The following CCDC27 variants were observed in gnomAD, a reference collection of about 807,000 sequenced individuals.
CCDC27 encodes coiled-coil domain-containing protein 27.
CCDC27 carries 80 observed loss-of-function variants against 80.3 expected under a neutral mutation model. That is an observed-to-expected ratio of 1.00 (90% CI 0.83 to 1.20). CCDC27 has a LOEUF of 1.20. Among genes scored for constraint, CCDC27 ranks in the 50% most tolerant of loss-of-function variants. The pLI, the probability that CCDC27 is intolerant of heterozygous loss-of-function variation, is 0.00. For synonymous variants in CCDC27, 342 were observed against 334.3 expected (o/e 1.02, Z -0.25); for missense variants, 815 against 809.4 (o/e 1.01, Z -0.08).
chr1:3,762,837 T>C (rs1355728622), intron 6 of CCDC27, 125 bp downstream of exon 6: 25 of 948,708 alleles, frequency 2.6e-5, no homozygotes, highest in Middle Eastern at 3.3e-4. Context: ...GGTGCCCCAC[T>C]CCAGGGGAGC....
chr1:3,755,834 C>T, intron 3 of CCDC27: 1 of 438,136 alleles, frequency 2.3e-6, no homozygotes, highest in East Asian at 4.1e-5. Flanking sequence ...TGGCCTTTAC[C>T]CAGTGGCTGA....
chr1:3,756,603 T>G, intron 3 of CCDC27, 130 bp from the exon 4 acceptor site: 5 of 909,250 alleles, frequency 5.5e-6, no homozygotes, highest in Non-Finnish European at 8.7e-6. Flanking sequence ...AGGAGACAGA[T>G]TGGAGTCTGT....
At chr1:3,770,169 G>A (rs989350896) in intron 11 of CCDC27, among the ~76,000 whole-genome samples, 8 of 152,162 alleles carry the variant, frequency 5.3e-5, no homozygotes, top group African/African-American at 1.4e-4. Context: ...CATCCTGAGC[G>A]CTGTGGAGAG....
chr1:3,764,710 G>A (rs184098980), intron 8 of CCDC27, among the ~76,000 whole-genome samples: 5 of 152,184 alleles, frequency 3.3e-5, no homozygotes, highest in Admixed American at 3.3e-4. Context: ...ACTTATTTTT[G>A]GTGGAGCACA....
chr1:3,757,691 G>A (rs1417733215), intron 4 of CCDC27, among the ~76,000 whole-genome samples: 1 of 152,080 alleles, frequency 6.6e-6, no homozygotes, highest in African/African-American at 2.4e-5. Context: ...GGGAGGCAGA[G>A]GTAGACAGAT....
At chr1:3,753,631 C>T (rs1205011844) in intron 1 of CCDC27, among the ~76,000 whole-genome samples, 6 of 152,188 alleles carry the variant, frequency 3.9e-5, no homozygotes, top group South Asian at 4.1e-4. Flanking sequence ...CCACCATGCC[C>T]GGCTGGACTA....
At position 3,760,149 on chromosome 1, in the gene CCDC27, C is replaced by T. The variant is rs1032624041; in HGVS notation, c.712-1132C>T. 2.0e-5 allele frequency among the ~76,000 whole-genome samples: 3 copies of T among 152,186 alleles called. No individual in the cohort carries two copies. The highest frequency in any genetic ancestry group is 2.9e-5 in the Non-Finnish European group (2 of 68,038). ...CAGCAGTCCTTGCACTATTTTGAGA[C>T]GTGCAAGTGTCTCGGGACCATGGCT... On this transcript the variant is annotated intron_variant, in intron 4 of 11. Coordinates refer to ENST00000294600, the MANE Select transcript of CCDC27 (RefSeq NM_152492.3). The surrounding 1 kb of genome is among the most constrained non-coding windows in gnomAD (Gnocchi z 4.3).
chr1:3,768,937 C>T lies in CCDC27; in HGVS notation c.1744-846C>T, dbSNP rs568570105. Among the ~76,000 whole-genome samples, 6 of 152,358 alleles carry T rather than the reference C, an allele frequency of 3.9e-5. No individual in the cohort carries two copies. Among genetic ancestry groups the T allele is most frequent in the Admixed American group, 3.9e-4 (6 of 15,304 alleles). On this transcript the variant is annotated intron_variant, in intron 10 of 11. Coordinates refer to ENST00000294600, the MANE Select transcript of CCDC27 (RefSeq NM_152492.3). The surrounding 1 kb of genome is among the most constrained non-coding windows in gnomAD (Gnocchi z 5.6). ...GAAGGAAAGGATTCCACTCCTCACA[C>T]AGGCCAGGGGCCCATGACATTCCTG...
At chr1:3,764,082 A>G (rs1277411002) in intron 8 of CCDC27, among the ~76,000 whole-genome samples, 1 of 152,120 alleles carries the variant, frequency 6.6e-6, no homozygotes, top group African/African-American at 2.4e-5. Context: ...GGCTGGAGGC[A>G]AGTGTCCCTG....
rs1235582329 is a variant in CCDC27, at chr1:3,768,752, C to T, written c.1744-1031C>T. ...TAGCGCCAAGCCTGATGGTGAGGCCCCACGGGTGTGGGGAAGTGAGGCTGG... is the reference window on the plus strand; with the variant it reads ...TAGCGCCAAGCCTGATGGTGAGGCCTCACGGGTGTGGGGAAGTGAGGCTGG... On this transcript the variant is annotated intron_variant, in intron 10 of 11. Transcript: ENST00000294600. This position sits in a 1 kb window ranked among gnomAD's most constrained non-coding sequence, Gnocchi z 5.6. Among the ~76,000 whole-genome samples the T allele has an allele frequency of 6.6e-6, 1 of 152,114 alleles. No homozygotes were observed. The highest frequency in any genetic ancestry group is 2.1e-4 in the South Asian group (1 of 4,820).
chr1:3,763,916 G>A lies in CCDC27; in HGVS notation c.1452+80G>A, dbSNP rs984646903. ...ATTAACCCCCGGCAGCTCGGGGCAG[G>A]CGCTGCCCGTCCCATCTACTGATGG... is the stretch of plus-strand genomic sequence containing the variant. On this transcript the variant is annotated intron_variant, in intron 8 of 11. Coordinates refer to ENST00000294600, the MANE Select transcript of CCDC27 (RefSeq NM_152492.3). The surrounding 1 kb of genome is among the most constrained non-coding windows in gnomAD (Gnocchi z 7.5). The A allele has an allele frequency of 7.8e-6, 12 of 1,543,768 alleles. No homozygotes were observed. The highest frequency in any genetic ancestry group is 1.9e-5 in the Admixed American group (1 of 51,288).
chr1:3,762,823 CT>C, intron 6 of CCDC27, 111 bp downstream of exon 6: 1 of 1,074,564 alleles, frequency 9.3e-7, no homozygotes, highest in Non-Finnish European at 1.3e-6. Flanking sequence ...CAGCCCTGAC[CT>C]GGGGTGCCCC....
At chr1:3,754,805 C>T (rs962799238) in intron 2 of CCDC27, among the ~76,000 whole-genome samples, 6 of 122,472 alleles carry the variant, frequency 4.9e-5, no homozygotes, top group Non-Finnish European at 6.2e-5. Flanking sequence ...TTAGGGATGG[C>T]GAGCTTGAGC....
At position 3,752,524 on chromosome 1, in the gene CCDC27, AAG is replaced by A; in HGVS notation, c.49_50del (p.Asp17SerfsTer31). 6.2e-7 allele frequency: 1 copy of A among 1,614,160 alleles called. No homozygotes were observed. The highest frequency in any genetic ancestry group is 8.5e-7 in the Non-Finnish European group (1 of 1,180,036). ...IFPSTPQARLKRDPREKPGLS... is the reference protein window; with the variant it reads ...IFPSTPQARLXRDPREKPGLS... Reference sequence around the variant, plus strand: ...CCCCTCCACACCCCAAGCCAGGCTGAAGAGAGATCCACGGGAAAAGCCGGGCC... The same window carrying A: ...CCCCTCCACACCCCAAGCCAGGCTGAAGAGATCCACGGGAAAAGCCGGGCC... On this transcript the variant is annotated frameshift_variant, in exon 1 of 12. Transcript: ENST00000294600. LOFTEE classifies it high-confidence loss of function.
rs750038927 is a variant in CCDC27, at chr1:3,769,791, G to C, written c.1752G>C (p.Arg584Ser). ...TGTCCCTTTGCTCACAGCTCGAGAG[G>C]TTAAGGAATAAGATCATCCAGGCCA... Reference protein sequence around the residue: ...ALESSQSRLERLRNKIIQATF... With the variant: ...ALESSQSRLESLRNKIIQATF... The change falls in exon 11 of 12, where the codon AGG becomes AGC. Residue 584 changes from arginine (R) to serine (S), a missense_variant. Arg to Ser is a moderately radical substitution (Grantham distance 110). Coordinates refer to ENST00000294600, the MANE Select transcript of CCDC27 (RefSeq NM_152492.3). The surrounding 1 kb of genome is among the most constrained non-coding windows in gnomAD (Gnocchi z 4.6). 6.2e-7 allele frequency: 1 copy of C among 1,613,584 alleles called. No individual in the cohort carries two copies. The highest frequency in any genetic ancestry group is 1.1e-5 in the South Asian group (1 of 91,076).
At chr1:3,762,512 C>T (rs1643112135) in intron 5 of CCDC27, 108 bp from the exon 6 acceptor site, 2 of 843,014 alleles carry the variant, frequency 2.4e-6, no homozygotes, top group Non-Finnish European at 1.9e-6. Context: ...ATGCAGGTCC[C>T]CTCCCCAGAC....
At chr1:3,758,183 A>G (rs2124591740) in intron 4 of CCDC27, among the ~76,000 whole-genome samples, 1 of 151,958 alleles carries the variant, frequency 6.6e-6, no homozygotes, top group African/African-American at 2.4e-5. Flanking sequence ...CTCTTATTTT[A>G]TTAATTAATT....
intron 8 of CCDC27, among the ~76,000 whole-genome samples, chr1:3,765,046 A>C (rs981991268): frequency 6.6e-6 from 1 of 152,104 alleles, no homozygotes; most frequent in Non-Finnish European, 1.5e-5. Context: ...AAAAAAAAAA[A>C]AAAAAACGAT....
rs1482526034 is a variant in CCDC27, at chr1:3,769,095, C to T, written c.1744-688C>T. Reference sequence around the variant, plus strand: ...TTCTGGACGAGGAACTCGTGCTGAGCGTGCCGCATAACTCAAGGGGTTCCT... The same window carrying T: ...TTCTGGACGAGGAACTCGTGCTGAGTGTGCCGCATAACTCAAGGGGTTCCT... On this transcript the variant is annotated intron_variant, in intron 10 of 11. Transcript: ENST00000294600. This position sits in a 1 kb window ranked among gnomAD's most constrained non-coding sequence, Gnocchi z 4.6. 2.0e-5 allele frequency among the ~76,000 whole-genome samples: 3 copies of T among 152,140 alleles called. No homozygotes were observed. The highest frequency in any genetic ancestry group is 6.5e-5 in the Admixed American group (1 of 15,282).
Sources: allele counts gnomAD v4.1 joint callset (sites outside exome capture counted in the v4.1 genomes callset), GRCh38; gene constraint gnomAD v4.1.1; non-coding constraint Gnocchi (gnomAD v3.1); transcripts MANE v1.5; gene names NCBI Gene and HGNC (gene_info 2026-07-23, HGNC 2026-07-21).